Variants in P4HA1 observed in about 807,000 individuals in gnomAD.
P4HA1 encodes prolyl 4-hydroxylase subunit alpha 1.
P4HA1 carries 24 observed loss-of-function variants against 72.8 expected under a neutral mutation model. That is an observed-to-expected ratio of 0.33 (90% confidence interval 0.24 to 0.46). The LOEUF is 0.46. Among genes scored for constraint, P4HA1 ranks in the 20% least tolerant of loss-of-function variants. The probability of loss-of-function intolerance (pLI) is 1.00; values close to 1 mark genes in which losing one functional copy is unlikely to be tolerated. For synonymous variants in P4HA1, 201 were observed against 218.8 expected, an observed-to-expected ratio of 0.92 and a Z score of 0.72; for missense variants, 446 against 640.6, an observed-to-expected ratio of 0.70 and a Z score of 3.28.
chr10:73,081,573 T>C (rs984627066), intron 1 of P4HA1, among the ~76,000 whole-genome samples: 1 of 152,162 alleles, frequency 6.6e-6, no homozygotes, highest in African/African-American at 2.4e-5. Flanking sequence ...CCTACAGTTC[T>C]TATTCCAGGG....
At chr10:73,055,063 C>CA (rs555296213) in intron 5 of P4HA1, among the ~76,000 whole-genome samples, 13 of 150,326 alleles carry the variant, frequency 8.6e-5, no homozygotes, top group South Asian at 2.1e-4. Flanking sequence ...TCATATCTAA[C>CA]AAAAAAAAAA....
intron 6 of P4HA1, among the ~76,000 whole-genome samples, chr10:73,051,558 G>A (rs147424579): frequency 0.049 from 7,423 of 152,110 alleles, 588 homozygotes; most frequent in African/African-American, 0.16. Context: ...TCAGGAGTTC[G>A]AGACCAGCCT....
intron 7 of P4HA1, among the ~76,000 whole-genome samples, chr10:73,049,081 C>T (rs1363254077): frequency 2.6e-5 from 4 of 151,898 alleles, no homozygotes; most frequent in Admixed American, 2.6e-4. Context: ...GGCGCCACTG[C>T]ACTCTAGCCT....
intron 10 of P4HA1, among the ~76,000 whole-genome samples, chr10:73,027,436 C>A (rs577952507): frequency 9.9e-5 from 12 of 121,588 alleles, no homozygotes; most frequent in African/African-American, 3.1e-4. Flanking sequence ...CATCACACAC[C>A]GGGGCCTGTC....
chr10:73,032,734 A>G (rs1840460501), intron 9 of P4HA1, among the ~76,000 whole-genome samples: 1 of 152,246 alleles, frequency 6.6e-6, no homozygotes, highest in South Asian at 2.1e-4. Context: ...CCGCTGCCAG[A>G]CGAAGCCAAA....
chr10:73,093,897 TATATATATATAC>T (rs1312358694), intron 1 of P4HA1, among the ~76,000 whole-genome samples: 768 of 76,428 alleles, frequency 0.01, 8 homozygotes, highest in Non-Finnish European at 0.013. Context: ...TATATATATA[TATATATATATAC>T]ACACACACAC....
chr10:73,033,888 A>G (rs911861173), intron 9 of P4HA1, among the ~76,000 whole-genome samples: 2 of 152,240 alleles, frequency 1.3e-5, no homozygotes, highest in African/African-American at 4.8e-5. Flanking sequence ...ACATTATCCA[A>G]ATAAAAACCT....
chr10:73,038,083 G>A (rs1042926278), intron 9 of P4HA1, among the ~76,000 whole-genome samples: 3 of 151,752 alleles, frequency 2.0e-5, no homozygotes, highest in African/African-American at 2.4e-5. Context: ...AAGCAAAACC[G>A]CATCTCTACA....
At chr10:73,060,390 G>A (rs1841286584) in intron 5 of P4HA1, among the ~76,000 whole-genome samples, 1 of 152,190 alleles carries the variant, frequency 6.6e-6, no homozygotes, top group Admixed American at 6.5e-5. Context: ...AGACTCTGCT[G>A]CTTAAATGTC....
intron 1 of P4HA1, among the ~76,000 whole-genome samples, chr10:73,081,252 G>A (rs188401232): frequency 0.048 from 7,277 of 151,888 alleles, 548 homozygotes; most frequent in African/African-American, 0.16. Flanking sequence ...GGAATAGGAG[G>A]AAGAAAGAAA....
intron 9 of P4HA1, among the ~76,000 whole-genome samples, chr10:73,043,660 G>A (rs112093139): frequency 1.1e-4 from 16 of 152,260 alleles, no homozygotes; most frequent in African/African-American, 3.6e-4. Context: ...AAAGTTTGGG[G>A]AGCCTCAACA....
chr10:73,008,684 A>C (rs1162142478), intron 14 of P4HA1, among the ~76,000 whole-genome samples: 1 of 152,214 alleles, frequency 6.6e-6, no homozygotes, highest in Admixed American at 6.5e-5. Flanking sequence ...CAAAATACAA[A>C]GACAATAATG....
At position 73,025,716 on chromosome 10, in the gene P4HA1, A is replaced by G. The variant is rs1444038243; in HGVS notation, c.1248+4555T>C. The stretch of plus-strand genomic sequence containing the variant: ...CATGATTGTATATTTAGAAAACCCC[A>G]TTGTCTCAGCCCAAAATCTCCTTAA... On this transcript the variant is annotated intron_variant, in intron 10 of 14. Transcript: ENST00000394890. 2.0e-5 allele frequency among the ~76,000 whole-genome samples: 3 copies of G among 152,094 alleles called. No homozygotes were observed. The East Asian group carries it at 5.8e-4, about 29-fold the overall frequency.
chr10:73,011,055 G>T lies in P4HA1; in HGVS notation c.1369-18C>A. The T allele has an allele frequency of 1.3e-6, 2 of 1,599,568 alleles. No individual in the cohort carries two copies. The highest frequency in any genetic ancestry group is 1.7e-6 in the Non-Finnish European group (2 of 1,169,130). ...TCACTCATCTATAAGAAACAAGAGG[G>T]TGTTATCAAAAGTGCTGGTAGAATA... On this transcript the variant is annotated intron_variant, in intron 12 of 14. Transcript: ENST00000394890.
At chr10:73,024,163 G>A (rs2133051206) in intron 10 of P4HA1, among the ~76,000 whole-genome samples, 2 of 152,004 alleles carry the variant, frequency 1.3e-5, no homozygotes, top group Middle Eastern at 3.4e-3. Flanking sequence ...ACAGAACTCT[G>A]TCCACCCCAA....
At chr10:73,029,658 A>G (rs1055176737) in intron 10 of P4HA1, among the ~76,000 whole-genome samples, 4 of 146,816 alleles carry the variant, frequency 2.7e-5, no homozygotes, top group Non-Finnish European at 6.0e-5. Context: ...TTTTTTTACT[A>G]TTGAAACCAA....
At chr10:73,048,049 C>T (rs539152519) in intron 7 of P4HA1, among the ~76,000 whole-genome samples, 1 of 151,992 alleles carries the variant, frequency 6.6e-6, no homozygotes, top group African/African-American at 2.4e-5. Flanking sequence ...AAGAAGCTGT[C>T]TCAAAAAAAC....
chr10:73,036,682 G>C (rs1480514341), intron 9 of P4HA1, among the ~76,000 whole-genome samples: 1 of 152,132 alleles, frequency 6.6e-6, no homozygotes, highest in East Asian at 1.9e-4. Flanking sequence ...ACAGGTGTGA[G>C]CCGTCACACC....
At chr10:73,040,498 G>A (rs1275531801) in intron 9 of P4HA1, among the ~76,000 whole-genome samples, 2 of 135,290 alleles carry the variant, frequency 1.5e-5, no homozygotes, top group Non-Finnish European at 3.1e-5. Flanking sequence ...TTTTTTTTGA[G>A]ATGGATCTCT....
Sources: allele counts gnomAD v4.1 joint callset (sites outside exome capture counted in the v4.1 genomes callset), GRCh38; gene constraint gnomAD v4.1.1; transcripts MANE v1.5; gene names NCBI Gene and HGNC (gene_info 2026-07-23, HGNC 2026-07-21).